LIMS2: variants seen among roughly 807,000 people sequenced by gnomAD.
The protein encoded by LIMS2 is LIM zinc finger domain containing 2, also known as LIM and senescent cell antigen-like-containing domain protein 2.
LIMS2 carries 30 observed loss-of-function variants against 45.3 expected under a neutral mutation model. The ratio of observed to expected loss-of-function variants is 0.66; its 90% CI spans 0.50 to 0.90. The LOEUF is 0.90. Ranked by LOEUF, LIMS2 falls within the 40% of genes least tolerant of loss-of-function variation. The pLI, the probability that LIMS2 is intolerant of heterozygous loss-of-function variation, is 0.00. For synonymous variants in LIMS2, 173 were observed against 188.0 expected (o/e 0.92, Z 0.65); for missense variants, 485 against 468.7 (o/e 1.03, Z -0.32).
intron 1 of LIMS2, among the ~76,000 whole-genome samples, chr2:127,666,201 C>A (rs1390080682): frequency 6.6e-6 from 1 of 151,978 alleles, no homozygotes; most frequent in Admixed American, 6.6e-5. Context: ...GCAAAAACAC[C>A]GAGAGTGATG....
intron 4 of LIMS2, chr2:127,651,975 T>G: frequency 1.7e-6 from 1 of 601,872 alleles, no homozygotes. Flanking sequence ...ATGGCTACAA[T>G]GGCTCCTAGA....
chr2:127,655,034 T>A, intron 2 of LIMS2, 138 bp from the exon 3 acceptor site: 1 of 809,108 alleles, frequency 1.2e-6, no homozygotes, highest in Non-Finnish European at 2.1e-6. Context: ...GCTGGAGCAG[T>A]GGGTCCCAGG....
chr2:127,645,807 T>C (rs1682906722), intron 4 of LIMS2: 1 of 152,182 alleles, frequency 6.6e-6, no homozygotes, highest in East Asian at 1.9e-4. Flanking sequence ...GCGCCGCCTG[T>C]TGCCATGACA....
In LIMS2 at chr2:127,643,086, G is replaced by A; in HGVS notation, c.360-14C>T. 6 of 1,556,374 alleles carry A rather than the reference G, an allele frequency of 3.9e-6. No homozygotes were observed. The highest frequency in any genetic ancestry group is 2.4e-5 in the East Asian group (1 of 42,006). On this transcript the variant is annotated splice_polypyrimidine_tract_variant and intron_variant, in intron 4 of 9. Coordinates refer to ENST00000355119, the MANE Select transcript of LIMS2 (RefSeq NM_001161403.3). ...CGGCAGAGATGCCTGCGGGAGGCGGGGGCATTAGGGGCAGAGCCCCCACTC... is the reference window on the plus strand; with the variant it reads ...CGGCAGAGATGCCTGCGGGAGGCGGAGGCATTAGGGGCAGAGCCCCCACTC...
At chr2:127,644,678 C>T (rs558155184) in intron 4 of LIMS2, among the ~76,000 whole-genome samples, 1 of 152,350 alleles carries the variant, frequency 6.6e-6, no homozygotes, top group East Asian at 1.9e-4. Flanking sequence ...CAGCTCAACG[C>T]CTCAAAACTC....
At chr2:127,649,017 A>G (rs1573782880) in intron 4 of LIMS2, among the ~76,000 whole-genome samples, 6 of 39,600 alleles carry the variant, frequency 1.5e-4, no homozygotes, top group Admixed American at 6.4e-4. Flanking sequence ...AAGGGGAGGG[A>G]GGGAGGAAAG....
chr2:127,676,000 C>T (rs1221114381), upstream of LIMS2, among the ~76,000 whole-genome samples: 1 of 152,250 alleles, frequency 6.6e-6, no homozygotes, highest in Non-Finnish European at 1.5e-5. Context: ...TAATGAAGCG[C>T]TGAGAAGCTA....
intron 4 of LIMS2, chr2:127,650,310 C>A: frequency 1.8e-6 from 1 of 568,314 alleles, no homozygotes; most frequent in South Asian, 2.1e-5. Context: ...AGACACACTG[C>A]CCCCGCCCCT....
intron 1 of LIMS2, chr2:127,674,679 G>A (rs1008933337): frequency 2.0e-6 from 2 of 985,434 alleles, no homozygotes; most frequent in South Asian, 9.4e-5. Flanking sequence ...CGCAACCTTT[G>A]AACCTTTTGC....
intron 1 of LIMS2, among the ~76,000 whole-genome samples, chr2:127,670,870 C>T (rs1455868459): frequency 1.3e-5 from 2 of 152,226 alleles, no homozygotes; most frequent in East Asian, 3.9e-4. Context: ...GAAGACAACT[C>T]CATGAGTTTC....
At chr2:127,666,184 G>T (rs1158320313) in intron 1 of LIMS2, among the ~76,000 whole-genome samples, 1 of 152,114 alleles carries the variant, frequency 6.6e-6, no homozygotes, top group African/African-American at 2.4e-5. Flanking sequence ...TCTGGCTCTA[G>T]ATATTTGCAA....
rs1683182794 is a variant in LIMS2, at chr2:127,647,959, C to CCACAGCCCCCTT, written c.360-4899_360-4888dup. On this transcript the variant is annotated intron_variant, in intron 4 of 9. Transcript: ENST00000355119. The surrounding 1 kb of genome is among the most constrained non-coding windows in gnomAD (Gnocchi z 4.3). ...GTTCCTCCCTCCTTTTACCTCTCCT[C>CCACAGCCCCCTT]CACAGCCCCCTTCACAGCCCTCAGC... The CCACAGCCCCCTT allele has an allele frequency of 2.1e-6, 2 of 940,292 alleles. No individual in the cohort carries two copies. The highest frequency in any genetic ancestry group is 3.5e-5 in the African/African-American group (2 of 56,382). The allele number at this position is 940,292 out of a possible 1,614,324, so 58.2% of individuals were successfully genotyped here. A position where few individuals can be genotyped will look rare whatever the true frequency, so the allele number is the denominator to read the frequency against.
intron 1 of LIMS2, among the ~76,000 whole-genome samples, chr2:127,663,586 CT>C (rs1459515970): frequency 6.6e-6 from 1 of 152,138 alleles, no homozygotes; most frequent in Non-Finnish European, 1.5e-5. Context: ...CCTCCAGGCC[CT>C]CCCCTACCTC....
At chr2:127,649,679 C>A (rs1427280964) in intron 4 of LIMS2, among the ~76,000 whole-genome samples, 1 of 152,222 alleles carries the variant, frequency 6.6e-6, no homozygotes, top group Non-Finnish European at 1.5e-5. Flanking sequence ...AAAATCAAAA[C>A]AAGAGTGGGT....
upstream of LIMS2, among the ~76,000 whole-genome samples, chr2:127,679,775 A>G (rs1011609785): frequency 7.9e-5 from 12 of 152,150 alleles, no homozygotes; most frequent in Admixed American, 3.3e-4. This position sits in a 1 kb window ranked among gnomAD's most constrained non-coding sequence, Gnocchi z 5.3. Context: ...AAGTGCCTCA[A>G]TGAGCCTCCG....
At chr2:127,663,859 A>G (rs925506476) in intron 1 of LIMS2, among the ~76,000 whole-genome samples, 1 of 152,028 alleles carries the variant, frequency 6.6e-6, no homozygotes, top group African/African-American at 2.4e-5. Context: ...CCCCATCCAG[A>G]GCCAACTCAT....
intron 4 of LIMS2, chr2:127,650,004 C>G: frequency 1.2e-6 from 2 of 1,606,222 alleles, no homozygotes; most frequent in Non-Finnish European, 1.7e-6. Context: ...GTCTCCCCAC[C>G]TGTCAGGATG....
chr2:127,654,436 T>C lies in LIMS2; in HGVS notation c.347A>G (p.Lys116Arg). The C allele has an allele frequency of 6.2e-7, 1 of 1,614,068 alleles. No individual in the cohort carries two copies. Among genetic ancestry groups the C allele is most frequent in the Non-Finnish European group, 8.5e-7 (1 of 1,179,966 alleles). ...DVELADLGFV[K>R]NAGRHLCRPC... ...ACGGCCACCTCACCTGCCGGCATTC[T>C]TCACAAAGCCCAGGTCAGCCAGCTC... Residue 116 changes from lysine to arginine, a missense_variant, in exon 4 of 10, where the codon AAG becomes AGG. Lys to Arg is a conservative substitution (Grantham distance 26). Coordinates refer to ENST00000355119, the MANE Select transcript of LIMS2 (RefSeq NM_001161403.3).
chr2:127,663,965 G>A (rs1230240080), intron 1 of LIMS2, among the ~76,000 whole-genome samples: 1 of 152,160 alleles, frequency 6.6e-6, no homozygotes, highest in Non-Finnish European at 1.5e-5. Context: ...GGGTGGGTGA[G>A]TCCAGCAGGT....
Sources: gnomAD v4.1 joint callset for allele counts (sites outside exome capture counted in the v4.1 genomes callset) on GRCh38, gnomAD v4.1.1 for gene constraint, Gnocchi (gnomAD v3.1) non-coding constraint, MANE v1.5 for transcripts, NCBI Gene and HGNC (gene_info 2026-07-23, HGNC 2026-07-21) for gene names.